The following PTPRT variants were observed in gnomAD, a reference collection of about 807,000 sequenced individuals.
The protein encoded by PTPRT is protein tyrosine phosphatase receptor type T.
A neutral mutation model predicts 176.8 loss-of-function variants in PTPRT; 56 were observed. The ratio of observed to expected loss-of-function variants is 0.32; its 90% CI spans 0.26 to 0.40. The LOEUF (loss-of-function observed/expected upper bound fraction) is 0.40, where lower values mean the gene tolerates loss of function less well. PTPRT is among the 10% of genes least tolerant of loss of function. PTPRT has a pLI of 1.00. For synonymous variants in PTPRT, 783 were observed against 739.0 expected, an observed-to-expected ratio of 1.06 and a Z score of -0.96; for missense variants, 1,540 against 1,908.2, an observed-to-expected ratio of 0.81 and a Z score of 3.60.
chr20:42,252,241 T>C (rs2056561362), intron 13 of PTPRT, among the ~76,000 whole-genome samples: 1 of 152,050 alleles, frequency 6.6e-6, no homozygotes, highest in South Asian at 2.1e-4. Context: ...GGAAAATATA[T>C]CTAGGGCAAC....
At chr20:43,187,386 T>A (rs2015420089) in intron 1 of PTPRT, among the ~76,000 whole-genome samples, 1 of 152,134 alleles carries the variant, frequency 6.6e-6, no homozygotes, top group Admixed American at 6.5e-5. Context: ...ATTTCTGAAT[T>A]TAGGAATAAA....
chr20:42,263,671 G>A (rs912077133), intron 13 of PTPRT, among the ~76,000 whole-genome samples: 5 of 148,440 alleles, frequency 3.4e-5, no homozygotes, highest in Admixed American at 1.3e-4. Flanking sequence ...GAGCCACTGC[G>A]CCGGGCCTTT....
At chr20:43,072,205 T>C (rs1303875653) in intron 1 of PTPRT, among the ~76,000 whole-genome samples, 1 of 152,194 alleles carries the variant, frequency 6.6e-6, no homozygotes, top group African/African-American at 2.4e-5. Flanking sequence ...AAACAATCCC[T>C]GCAACAAATT....
At chr20:42,828,115 A>G (rs918294852) in intron 2 of PTPRT, among the ~76,000 whole-genome samples, 1 of 152,234 alleles carries the variant, frequency 6.6e-6, no homozygotes, top group African/African-American at 2.4e-5. Context: ...AGAATATCCT[A>G]GAGACTTGTT....
intron 2 of PTPRT, among the ~76,000 whole-genome samples, chr20:42,835,901 A>T (rs1051171116): frequency 2.2e-4 from 34 of 152,286 alleles, no homozygotes; most frequent in Non-Finnish European, 3.8e-4. Context: ...TTATGAAGAC[A>T]GTCTGCATTT....
At chr20:43,042,235 G>A (rs557005253) in intron 1 of PTPRT, among the ~76,000 whole-genome samples, 7 of 152,174 alleles carry the variant, frequency 4.6e-5, no homozygotes, top group Non-Finnish European at 7.3e-5. Context: ...GCACATAGTA[G>A]GTACATTGTT....
intron 6 of PTPRT, among the ~76,000 whole-genome samples, chr20:42,692,848 G>C (rs2075813047): frequency 6.6e-6 from 1 of 152,050 alleles, no homozygotes; most frequent in African/African-American, 2.4e-5. Context: ...TTTAAAAAGT[G>C]CCATTTACCC....
rs755918783 is a variant in PTPRT at position 42,365,584 on chromosome 20, C to T, written c.1561-13299G>A. 4.0e-5 allele frequency among the ~76,000 whole-genome samples: 6 copies of T among 151,824 alleles called. No individual in the cohort carries two copies. In the South Asian group the frequency reaches 6.3e-4, roughly 16 times the overall value. ...GGGGTGTCCGGTCTTTTGGATTCCC[C>T]GGGCCACATTGGAAGAAGAAGAATT... On this transcript the variant is annotated intron_variant, in intron 9 of 30. Coordinates refer to ENST00000373187, the MANE Select transcript of PTPRT (RefSeq NM_007050.6).
chr20:42,889,476 C>T lies in PTPRT; in HGVS notation c.89-3544G>A, dbSNP rs79384138. Among the ~76,000 whole-genome samples, 39 of 152,340 alleles carry T rather than the reference C, an allele frequency of 2.6e-4. No homozygotes were observed. In the East Asian group the frequency reaches 3.9e-3, roughly 15 times the overall value. On this transcript the variant is annotated intron_variant, in intron 1 of 30. Transcript: ENST00000373187. ...TCAGGCCCCACTGTCAATTCTATTC[C>T]ACTCTGCCAGGATTTGTCATCACTT... is the stretch of plus-strand genomic sequence containing the variant.
At chr20:42,384,415 G>A (rs748190482) in intron 9 of PTPRT, among the ~76,000 whole-genome samples, 2 of 152,120 alleles carry the variant, frequency 1.3e-5, no homozygotes, top group Admixed American at 1.3e-4. Flanking sequence ...GGATTCTGAT[G>A]GGTGGACAAG....
At chr20:42,119,433 T>C (rs1251505525) in intron 20 of PTPRT, among the ~76,000 whole-genome samples, 8 of 152,238 alleles carry the variant, frequency 5.3e-5, no homozygotes, top group Admixed American at 2.0e-4. Flanking sequence ...TCTATATATA[T>C]AATTATCTGC....
chr20:42,915,894 C>T (rs1978710447), intron 1 of PTPRT, among the ~76,000 whole-genome samples: 1 of 151,782 alleles, frequency 6.6e-6, no homozygotes, highest in African/African-American at 2.4e-5. Context: ...AGTCACCATG[C>T]CCGGCCCGCT....
At chr20:42,639,233 T>G (rs561988072) in intron 7 of PTPRT, among the ~76,000 whole-genome samples, 1 of 151,984 alleles carries the variant, frequency 6.6e-6, no homozygotes, top group African/African-American at 2.4e-5. Context: ...CATTTTTTTT[T>G]AAATAAGCTA....
chr20:42,162,241 G>T (rs982493540), intron 16 of PTPRT, among the ~76,000 whole-genome samples: 1 of 152,158 alleles, frequency 6.6e-6, no homozygotes, highest in Non-Finnish European at 1.5e-5. Context: ...TGCAGATAGG[G>T]AAGCCTGGGC....
chr20:42,065,866 A>G, the PTPRT span, among the ~76,000 whole-genome samples: 40 of 152,258 alleles, frequency 2.6e-4, no homozygotes, highest in Non-Finnish European at 4.6e-4. Context: ...AGTATCCTAC[A>G]ATTAATAGCT....
Position 42,323,534 on chromosome 20 carries a change from C to G in PTPRT, c.1866-7538G>C, listed in dbSNP as rs569053773. Among the ~76,000 whole-genome samples, 7 of 152,090 alleles carry G rather than the reference C, an allele frequency of 4.6e-5. No individual in the cohort carries two copies. The South Asian group carries it at 1.5e-3, about 32-fold the overall frequency. ...GACAAAAAACCAAACACCGCATGTTCTCACCCATAGGTGGGAATTGAACCA... is the reference window on the plus strand; with the variant it reads ...GACAAAAAACCAAACACCGCATGTTGTCACCCATAGGTGGGAATTGAACCA... On this transcript the variant is annotated intron_variant, in intron 11 of 30. Coordinates refer to ENST00000373187, the MANE Select transcript of PTPRT (RefSeq NM_007050.6).
intron 1 of PTPRT, among the ~76,000 whole-genome samples, chr20:42,946,450 A>G (rs1980888863): frequency 6.6e-6 from 1 of 152,168 alleles, no homozygotes; most frequent in Non-Finnish European, 1.5e-5. Context: ...CCAAGAACTA[A>G]CCAACCCCAA....
intron 7 of PTPRT, among the ~76,000 whole-genome samples, chr20:42,659,112 G>A (rs992859607): frequency 1.6e-4 from 24 of 151,664 alleles, no homozygotes; most frequent in Non-Finnish European, 2.9e-4. Context: ...TCATTGCTAC[G>A]AAATGCCATT....
At position 42,808,338 on chromosome 20, in the gene PTPRT, GCT is replaced by G. The variant is rs533151540; in HGVS notation, c.215-16874_215-16873del. On this transcript the variant is annotated intron_variant, in intron 2 of 30. Coordinates refer to ENST00000373187, the MANE Select transcript of PTPRT (RefSeq NM_007050.6). ...GACAATGGGTCTGGGGAAGCAAGTT[GCT>G]CTGTCTGGGCATTTTTGAGGGGACA... 8.9e-4 allele frequency among the ~76,000 whole-genome samples: 136 copies of G among 152,312 alleles called. 2 individuals carry two copies. Among genetic ancestry groups the G allele is most frequent in the Admixed American group, 2.1e-3 (32 of 15,310 alleles).
Sources: gnomAD v4.1 joint callset for allele counts (sites outside exome capture counted in the v4.1 genomes callset) on GRCh38, gnomAD v4.1.1 for gene constraint, MANE v1.5 for transcripts, NCBI Gene and HGNC (gene_info 2026-07-23, HGNC 2026-07-21) for gene names.